Variants in GALNT13 observed in about 807,000 individuals in gnomAD.
The protein encoded by GALNT13 is UDP-GalNAc:polypeptide N-acetylgalactosaminyltransferase 13.
GALNT13 carries 28 observed loss-of-function variants against 64.2 expected under a neutral mutation model. That is an observed-to-expected ratio of 0.44 (90% CI 0.32 to 0.60). The LOEUF (loss-of-function observed/expected upper bound fraction) is 0.60. Among genes scored for constraint, GALNT13 ranks in the 20% least tolerant of loss-of-function variants. GALNT13 has a pLI of 0.05. For synonymous variants in GALNT13, 214 were observed against 224.6 expected (o/e 0.95, Z 0.42); for missense variants, 577 against 669.8 (o/e 0.86, Z 1.53).
chr2:154,177,895 C>G (rs1288172155), intron 4 of GALNT13, among the ~76,000 whole-genome samples: 1 of 152,116 alleles, frequency 6.6e-6, no homozygotes, highest in Non-Finnish European at 1.5e-5. Context: ...CAAGGACACA[C>G]CAACTTGCTT....
In GALNT13 at chr2:154,347,888, G is replaced by A. The variant is rs59245323; in HGVS notation, c.1156+46299G>A. On this transcript the variant is annotated intron_variant, in intron 9 of 12. Coordinates refer to ENST00000392825, the MANE Select transcript of GALNT13 (RefSeq NM_052917.4). ...TTAGTGGATCTGGCTTCCTTATCCA[G>A]GTTCAGTTGGCTCAAAGTCAGTATG... Among the ~76,000 whole-genome samples the A allele has an allele frequency of 2.4e-3, 361 of 152,246 alleles. 1 individual carries two copies. Among genetic ancestry groups the A allele is most frequent in the Middle Eastern group, 0.014 (4 of 294 alleles).
At chr2:154,175,452 A>G (rs1223236023) in intron 4 of GALNT13, among the ~76,000 whole-genome samples, 1 of 152,148 alleles carries the variant, frequency 6.6e-6, no homozygotes, top group East Asian at 1.9e-4. Context: ...CAGATACTCA[A>G]TATGAAAGGT....
At chr2:153,963,880 C>A (rs1212316825) in intron 3 of GALNT13, among the ~76,000 whole-genome samples, 2 of 151,768 alleles carry the variant, frequency 1.3e-5, no homozygotes, top group South Asian at 2.1e-4. Context: ...TAAATGAGGT[C>A]TATGAAAGAG....
rs185535205 is a variant in GALNT13, at chr2:154,391,665, C to T, written c.1157-4326C>T. ...AATGCAATATATGATGTGTATTAAG[C>T]AATTATTATATTCCAGTCATTGTAC... On this transcript the variant is annotated intron_variant, in intron 9 of 12. Coordinates refer to ENST00000392825, the MANE Select transcript of GALNT13 (RefSeq NM_052917.4). 5.3e-5 allele frequency among the ~76,000 whole-genome samples: 8 copies of T among 152,242 alleles called. No homozygotes were observed. The East Asian group carries it at 1.2e-3, about 22-fold the overall frequency.
the GALNT13 span, among the ~76,000 whole-genome samples, chr2:153,202,736 C>A: frequency 6.6e-6 from 1 of 152,108 alleles, no homozygotes; most frequent in East Asian, 1.9e-4. Flanking sequence ...AAAGAGTGTG[C>A]TGGATGATTT....
chr2:153,471,265 C>A, the GALNT13 span, among the ~76,000 whole-genome samples: 1 of 152,098 alleles, frequency 6.6e-6, no homozygotes, highest in African/African-American at 2.4e-5. Context: ...CACCAAACTT[C>A]CAAGGTCTAA....
chr2:153,119,547 G>A, the GALNT13 span, among the ~76,000 whole-genome samples: 5 of 152,052 alleles, frequency 3.3e-5, no homozygotes, highest in Admixed American at 6.6e-5. Flanking sequence ...GATAAAAATG[G>A]CACTGTTAGT....
chr2:154,100,997 G>T (rs1351676011), intron 3 of GALNT13, among the ~76,000 whole-genome samples: 6 of 151,992 alleles, frequency 3.9e-5, no homozygotes, highest in African/African-American at 1.4e-4. Flanking sequence ...TATTTATGTT[G>T]TGAATCACGT....
the GALNT13 span, among the ~76,000 whole-genome samples, chr2:153,758,155 G>A: frequency 6.6e-6 from 1 of 151,662 alleles, no homozygotes; most frequent in Non-Finnish European, 1.5e-5. Flanking sequence ...AGTCGCTTTT[G>A]TATATGGCAT....
At chr2:153,427,060 T>G in the GALNT13 span, among the ~76,000 whole-genome samples, 1 of 152,032 alleles carries the variant, frequency 6.6e-6, no homozygotes, top group Non-Finnish European at 1.5e-5. Flanking sequence ...TAAAATGTAT[T>G]TTCCTAGAAC....
the GALNT13 span, among the ~76,000 whole-genome samples, chr2:153,221,709 A>G: frequency 6.6e-6 from 1 of 152,132 alleles, no homozygotes; most frequent in Non-Finnish European, 1.5e-5. Flanking sequence ...GTGTGGGGCC[A>G]GCGAGAATGG....
At chr2:153,554,806 G>A in the GALNT13 span, among the ~76,000 whole-genome samples, 2 of 151,864 alleles carry the variant, frequency 1.3e-5, no homozygotes, top group East Asian at 3.9e-4. Flanking sequence ...AATTTAAGTC[G>A]GATCCTCCTA....
the GALNT13 span, among the ~76,000 whole-genome samples, chr2:153,393,093 T>C: frequency 6.6e-6 from 1 of 152,076 alleles, no homozygotes; most frequent in Non-Finnish European, 1.5e-5. Flanking sequence ...GATATTGTTA[T>C]AACTGCCCAA....
chr2:154,146,109 A>G (rs147713490), intron 4 of GALNT13, among the ~76,000 whole-genome samples: 50 of 150,908 alleles, frequency 3.3e-4, no homozygotes, highest in Admixed American at 7.3e-4. Flanking sequence ...CTGTATGTTT[A>G]CATATGCACA....
intron 3 of GALNT13, among the ~76,000 whole-genome samples, chr2:154,014,536 T>TGCCTG (rs1453616775): frequency 6.6e-6 from 1 of 151,112 alleles, no homozygotes; most frequent in Non-Finnish European, 1.5e-5. Context: ...GTATTCCCAG[T>TGCCTG]GCCTGGCTGT....
chr2:153,785,369 G>C, the GALNT13 span, among the ~76,000 whole-genome samples: 1 of 152,202 alleles, frequency 6.6e-6, no homozygotes, highest in Non-Finnish European at 1.5e-5. Context: ...GGAGCTCCCA[G>C]AGGAAGGGGC....
intron 4 of GALNT13, among the ~76,000 whole-genome samples, chr2:154,223,625 A>G (rs182197597): frequency 2.6e-5 from 4 of 151,444 alleles, no homozygotes; most frequent in Admixed American, 2.6e-4. Context: ...CTAATTTTCT[A>G]TTTTTAGTAG....
At chr2:154,013,657 G>A (rs1696798585) in intron 3 of GALNT13, among the ~76,000 whole-genome samples, 1 of 152,110 alleles carries the variant, frequency 6.6e-6, no homozygotes. Context: ...TGTGCACGCA[G>A]TTGCACCCAC....
chr2:154,283,589 A>G (rs2105944539), intron 8 of GALNT13, among the ~76,000 whole-genome samples: 1 of 152,258 alleles, frequency 6.6e-6, no homozygotes, highest in Non-Finnish European at 1.5e-5. Context: ...AAAAAAAAAA[A>G]AAAAATTATA....
Sources: gnomAD v4.1 joint callset for allele counts (sites outside exome capture counted in the v4.1 genomes callset) on GRCh38, gnomAD v4.1.1 for gene constraint, MANE v1.5 for transcripts, NCBI Gene and HGNC (gene_info 2026-07-23, HGNC 2026-07-21) for gene names.